Variants in TAF4 observed in about 807,000 individuals in gnomAD.
TAF4 encodes transcription initiation factor TFIID subunit 4.
A neutral mutation model predicts 90.3 loss-of-function variants in TAF4; 9 were observed. That is an observed-to-expected ratio of 0.10 (90% CI 0.06 to 0.17). The LOEUF is 0.17. Among genes scored for constraint, TAF4 ranks in the 10% least tolerant of loss-of-function variants. The pLI is 1.00. For synonymous variants in TAF4, 818 were observed against 638.9 expected (o/e 1.28, Z -4.23); for missense variants, 1,351 against 1,370.7 (o/e 0.99, Z 0.23).
intron 1 of TAF4, among the ~76,000 whole-genome samples, chr20:62,033,568 C>T (rs1409224273): frequency 6.6e-6 from 1 of 152,106 alleles, no homozygotes; most frequent in African/African-American, 2.4e-5. Context: ...GAAACCCCGT[C>T]TCTACTAAAA....
In TAF4 at chr20:61,997,575, C is replaced by G. The variant is rs1161879611; in HGVS notation, c.3065G>C (p.Cys1022Ser). Residue 1022 changes from cysteine to serine, a missense_variant, in exon 14 of 15, where the codon TGT becomes TCT. Around this residue, in one of 9 missense-constraint regions of TAF4, gnomAD observed 48 missense variants for 50.6 expected, o/e 0.95. Transcript: ENST00000252996. The part of the protein sequence containing the change: ...IGPRKKRKVD[C>S]PGPGSGAEGS... ...CTCTGCTCCTGAGCCCGGCCCCGGA[C>G]AGTCCACTTTCCTCTTTTTCCTGGG... is the stretch of plus-strand genomic sequence containing the variant. 8 of 1,613,180 alleles carry G rather than the reference C, an allele frequency of 5.0e-6. No homozygotes were observed. Among genetic ancestry groups the G allele is most frequent in the South Asian group, 2.2e-5 (2 of 90,948 alleles).
Position 62,014,803 on chromosome 20 carries a change from G to A in TAF4, c.1361-96C>T. The stretch of plus-strand genomic sequence containing the variant: ...CAGGGGAAGCTGACAGCTGTGAGAA[G>A]GAAACAAAGGAAATCAAGTCTTAAA... On this transcript the variant is annotated intron_variant, in intron 1 of 14. Transcript: ENST00000252996. The A allele has an allele frequency of 4.7e-6, 7 of 1,494,428 alleles. No individual in the cohort carries two copies. The South Asian group carries it at 8.8e-5, about 19-fold the overall frequency. The allele number at this position is 1,494,428 out of a possible 1,614,324, so 92.6% of individuals were successfully genotyped here. A position where few individuals can be genotyped will look rare whatever the true frequency, so the allele number is the denominator to read the frequency against.
At chr20:61,988,624 T>C (rs1029029663) in intron 14 of TAF4, among the ~76,000 whole-genome samples, 2 of 152,218 alleles carry the variant, frequency 1.3e-5, no homozygotes, top group South Asian at 2.1e-4. Flanking sequence ...GAAAGGTGTC[T>C]GAAGGACTTT....
At chr20:61,988,275 G>A (rs989891087) in intron 14 of TAF4, among the ~76,000 whole-genome samples, 5 of 152,176 alleles carry the variant, frequency 3.3e-5, no homozygotes, top group African/African-American at 2.4e-5. Context: ...GGCCAAGCGG[G>A]GGAGGCTGTG....
At chr20:62,003,084 G>A in intron 9 of TAF4, 76 bp downstream of exon 9, 1 of 1,298,088 alleles carries the variant, frequency 7.7e-7, no homozygotes, top group South Asian at 1.3e-5. Flanking sequence ...CCGTGGGCGG[G>A]AATGGAGCAG....
chr20:61,986,030 GGAAACACCATCCCCCATCAAAGGAAA>G (rs1387365547), intron 14 of TAF4, among the ~76,000 whole-genome samples: 17 of 128,388 alleles, frequency 1.3e-4, no homozygotes, highest in South Asian at 2.5e-4. Flanking sequence ...CCCCATCAAA[GGAAACACCATCCCCCATCAAAGGAAA>G]CACCATCCCC....
At chr20:61,991,042 T>A (rs374116290) in intron 14 of TAF4, among the ~76,000 whole-genome samples, 5 of 151,446 alleles carry the variant, frequency 3.3e-5, no homozygotes, top group African/African-American at 9.7e-5. Flanking sequence ...CAGAAACACA[T>A]ACTCAAAACA....
In TAF4 at chr20:62,065,841, G is replaced by A. The variant is rs984738797; in HGVS notation, c.-31C>T. ...TTCCTCGGCCGCCGCCGCCGCCGCC[G>A]CTCGGGCCGAGCGCGCCTGGGCGAG... On this transcript the variant is annotated 5_prime_UTR_variant, in exon 1 of 15. Transcript: ENST00000252996. 2.4e-6 allele frequency: 3 copies of A among 1,242,102 alleles called. No homozygotes were observed. Among genetic ancestry groups the A allele is most frequent in the East Asian group, 6.4e-5 (1 of 15,530 alleles). The allele number at this position is 1,242,102 out of a possible 1,614,324, so 76.9% of individuals were successfully genotyped here. A position where few individuals can be genotyped will look rare whatever the true frequency, so the allele number is the denominator to read the frequency against.
At chr20:61,977,509 TC>T (rs948459654) in intron 14 of TAF4, among the ~76,000 whole-genome samples, 1 of 151,932 alleles carries the variant, frequency 6.6e-6, no homozygotes, top group African/African-American at 2.4e-5. Flanking sequence ...CCGTCCTTCC[TC>T]CCCCCTTCCC....
chr20:62,054,201 C>T (rs898863002), intron 1 of TAF4, among the ~76,000 whole-genome samples: 8 of 152,212 alleles, frequency 5.3e-5, no homozygotes, highest in African/African-American at 1.4e-4. Context: ...CTCTCAGCAG[C>T]ACAAGCATGA....
intron 1 of TAF4, among the ~76,000 whole-genome samples, chr20:62,022,564 T>A (rs1176738379): frequency 6.6e-6 from 1 of 152,158 alleles, no homozygotes; most frequent in Non-Finnish European, 1.5e-5. Flanking sequence ...ACACACGTGG[T>A]GATGGCCCAG....
At chr20:62,053,894 T>C (rs1042979593) in intron 1 of TAF4, among the ~76,000 whole-genome samples, 1 of 152,224 alleles carries the variant, frequency 6.6e-6, no homozygotes, top group Non-Finnish European at 1.5e-5. Context: ...TCTTGGCCAC[T>C]TGAAGCCCTT....
At chr20:62,020,285 G>A (rs977164671) in intron 1 of TAF4, among the ~76,000 whole-genome samples, 2 of 152,176 alleles carry the variant, frequency 1.3e-5, no homozygotes, top group East Asian at 1.9e-4. Context: ...CCGGTGGGGG[G>A]GCTCTTTCTG....
chr20:62,001,953 C>A (rs2055707676), intron 9 of TAF4, among the ~76,000 whole-genome samples: 1 of 152,154 alleles, frequency 6.6e-6, no homozygotes, highest in African/African-American at 2.4e-5. Flanking sequence ...GTTCCCAGGA[C>A]CCTGCGGTGA....
At chr20:62,032,147 A>G (rs906785442) in intron 1 of TAF4, among the ~76,000 whole-genome samples, 1 of 152,190 alleles carries the variant, frequency 6.6e-6, no homozygotes, top group East Asian at 1.9e-4. Flanking sequence ...AAAAACAGTT[A>G]GTGAAGTCAC....
At chr20:62,027,700 T>C (rs1217109827) in intron 1 of TAF4, among the ~76,000 whole-genome samples, 1 of 152,194 alleles carries the variant, frequency 6.6e-6, no homozygotes, top group Admixed American at 6.5e-5. Context: ...CTGCATTGGA[T>C]TCCTAAAAAA....
intron 9 of TAF4, 33 bp downstream of exon 9, chr20:62,003,127 C>T (rs750579700): frequency 8.2e-6 from 13 of 1,578,306 alleles, no homozygotes; most frequent in South Asian, 3.3e-5. Context: ...GCTCTGGCCA[C>T]GCTTCTCCAA....
chr20:62,017,396 T>C (rs1264342185), intron 1 of TAF4, among the ~76,000 whole-genome samples: 1 of 151,526 alleles, frequency 6.6e-6, no homozygotes, highest in African/African-American at 2.4e-5. Flanking sequence ...CCCAGCACTT[T>C]GGGAGGCCAA....
Position 62,065,557 on chromosome 20 carries a change from G to C in TAF4, c.254C>G (p.Ala85Gly), listed in dbSNP as rs1226129692. The change falls in exon 1 of 15, where the codon GCG becomes GGG. Residue 85 changes from alanine (A) to glycine (G), a missense_variant. Ala to Gly is a moderately conservative substitution (Grantham distance 60). Around this residue, in one of 9 missense-constraint regions of TAF4, gnomAD observed 782 missense variants for 536.6 expected, o/e 1.46. Coordinates refer to ENST00000252996, the MANE Select transcript of TAF4 (RefSeq NM_003185.4). ...ACCTGCGGGGGGCGGCTCCGGCGCC[G>C]CTCCGGGCGCGCCCTCGGCGGGGGC... ...PAAPAEGAPG[A>G]APEPPPAGRA... The C allele has an allele frequency of 1.0e-6, 1 of 977,730 alleles. No individual in the cohort carries two copies. Among genetic ancestry groups the C allele is most frequent in the South Asian group, 4.6e-5 (1 of 21,764 alleles). 60.6% of individuals were successfully genotyped at this position (977,730 alleles called of 1,614,324 possible). A position where few individuals can be genotyped will look rare whatever the true frequency, so the allele number is the denominator to read the frequency against.
Sources: allele counts gnomAD v4.1 joint callset (sites outside exome capture counted in the v4.1 genomes callset), GRCh38; gene constraint gnomAD v4.1.1; regional missense constraint gnomAD v4.1.1; transcripts MANE v1.5; gene names NCBI Gene and HGNC (gene_info 2026-07-23, HGNC 2026-07-21).